Variants in ETV6 observed in about 807,000 individuals in gnomAD.
ETV6 encodes the protein ETS variant transcription factor 6.
A neutral mutation model predicts 51.1 loss-of-function variants in ETV6; 16 were observed. The ratio of observed to expected loss-of-function variants is 0.31; its 90% confidence interval spans 0.21 to 0.48. The LOEUF (loss-of-function observed/expected upper bound fraction) is 0.48, where lower values mean the gene tolerates loss of function less well. ETV6 is among the 20% of genes least tolerant of loss of function. ETV6 has a pLI of 0.99. For missense variants in ETV6, 458 were observed against 594.8 expected, an observed-to-expected ratio of 0.77 and a Z score of 2.39; for synonymous variants, 240 against 224.1, an observed-to-expected ratio of 1.07 and a Z score of -0.64.
At chr12:11,698,253 G>T (rs1383054919) in intron 1 of ETV6, among the ~76,000 whole-genome samples, 1 of 152,144 alleles carries the variant, frequency 6.6e-6, no homozygotes, top group African/African-American at 2.4e-5. Context: ...CCTAACATCT[G>T]CATTAGTATT....
At chr12:11,694,707 T>C (rs1321925171) in intron 1 of ETV6, among the ~76,000 whole-genome samples, 1 of 152,252 alleles carries the variant, frequency 6.6e-6, no homozygotes, top group Non-Finnish European at 1.5e-5. Context: ...GATATTCAAC[T>C]CTGCAAAGTC....
At chr12:11,681,334 C>T (rs926315389) in intron 1 of ETV6, among the ~76,000 whole-genome samples, 6 of 152,150 alleles carry the variant, frequency 3.9e-5, no homozygotes, top group Non-Finnish European at 8.8e-5. Flanking sequence ...AAACAAATTT[C>T]ATGCCCCTTT....
chr12:11,741,523 G>A (rs530949229), intron 1 of ETV6, among the ~76,000 whole-genome samples: 5 of 152,308 alleles, frequency 3.3e-5, no homozygotes, highest in East Asian at 1.9e-4. Context: ...ACACTGCTCC[G>A]TGTGGAGCTC....
intron 2 of ETV6, among the ~76,000 whole-genome samples, chr12:11,770,961 A>G (rs1001405433): frequency 9.9e-5 from 15 of 152,284 alleles, no homozygotes; most frequent in Non-Finnish European, 1.0e-4. Flanking sequence ...GGTTGATCCA[A>G]TGGCCTTGCC....
intron 2 of ETV6, among the ~76,000 whole-genome samples, chr12:11,784,404 A>G (rs1945452212): frequency 6.6e-6 from 1 of 150,902 alleles, no homozygotes; most frequent in African/African-American, 2.4e-5. Context: ...GGTTGCAGTG[A>G]GCCGAGATCA....
rs983047889 is a variant in ETV6 at position 11,869,035 on chromosome 12, G to C, written c.464-389G>C. 6.6e-6 allele frequency among the ~76,000 whole-genome samples: 1 copy of C among 152,136 alleles called. No homozygotes were observed. Among genetic ancestry groups the C allele is most frequent in the East Asian group, 1.9e-4 (1 of 5,184 alleles). On this transcript the variant is annotated intron_variant, in intron 4 of 7. Coordinates refer to ENST00000396373, the MANE Select transcript of ETV6 (RefSeq NM_001987.5). This position sits in a 1 kb window ranked among gnomAD's most constrained non-coding sequence, Gnocchi z 5.0. ...GCAGAGCACGAGGTCAGGAGACCCA[G>C]ACCATCCTGGCTAACACGGTGAAAC...
rs563899915 is a variant in ETV6 at position 11,779,298 on chromosome 12, A to G, written c.163+26719A>G. ...GATCACTGCAGCAAATATATTTGGC[A>G]GAAATTGAGCACACAAGCCCTTCCC... is the stretch of plus-strand genomic sequence containing the variant. On this transcript the variant is annotated intron_variant, in intron 2 of 7. Transcript: ENST00000396373. 3.9e-5 allele frequency among the ~76,000 whole-genome samples: 6 copies of G among 152,352 alleles called. No homozygotes were observed. In the South Asian group the frequency reaches 1.2e-3, roughly 32 times the overall value.
intron 1 of ETV6, among the ~76,000 whole-genome samples, chr12:11,712,644 TC>T (rs1865194666): frequency 6.6e-6 from 1 of 152,212 alleles, no homozygotes; most frequent in Admixed American, 6.5e-5. Flanking sequence ...AACTTCCTCT[TC>T]CTTGGGAGAC....
At chr12:11,754,916 A>G (rs1257799342) in intron 2 of ETV6, among the ~76,000 whole-genome samples, 1 of 152,230 alleles carries the variant, frequency 6.6e-6, no homozygotes, top group Non-Finnish European at 1.5e-5. Context: ...TCTTCTTTCT[A>G]TCTCCATGTC....
intron 2 of ETV6, among the ~76,000 whole-genome samples, chr12:11,831,635 T>A (rs889704831): frequency 6.6e-6 from 1 of 152,252 alleles, no homozygotes; most frequent in Non-Finnish European, 1.5e-5. Context: ...TTACTGAGTG[T>A]CAATTCTTTG....
intron 1 of ETV6, among the ~76,000 whole-genome samples, chr12:11,677,660 A>G (rs1864446405): frequency 6.6e-6 from 1 of 152,238 alleles, no homozygotes; most frequent in Non-Finnish European, 1.5e-5. Flanking sequence ...GGTGAAGAAG[A>G]TGAGGCCTCT....
chr12:11,835,979 T>C (rs1374287871), intron 2 of ETV6, among the ~76,000 whole-genome samples: 2 of 152,230 alleles, frequency 1.3e-5, no homozygotes, highest in Non-Finnish European at 2.9e-5. Context: ...TAGGGTTGTG[T>C]GAGCATGCAG....
In ETV6 at chr12:11,894,607, A is replaced by G. The variant is rs1389810100; in HGVS notation, c.*3561A>G. The G allele has an allele frequency of 1.3e-5, 3 of 233,162 alleles. No homozygotes were observed. The highest frequency in any genetic ancestry group is 2.5e-5 in the Non-Finnish European group (3 of 118,044). The allele number at this position is 233,162 out of a possible 1,614,324, so 14.4% of individuals were successfully genotyped here. On this transcript the variant is annotated 3_prime_UTR_variant, in exon 8 of 8. Coordinates refer to ENST00000396373, the MANE Select transcript of ETV6 (RefSeq NM_001987.5). ...ATACTGATCTCTTGTCCAAATGAGA[A>G]TGTCGCTTTAGCTGAAATTCAAATG...
chr12:11,874,346 C>T (rs1946929860), intron 5 of ETV6, among the ~76,000 whole-genome samples: 1 of 144,766 alleles, frequency 6.9e-6, no homozygotes, highest in Admixed American at 7.0e-5. Flanking sequence ...CACTGCACTC[C>T]AGCCTGGGCA....
intron 1 of ETV6, among the ~76,000 whole-genome samples, chr12:11,728,009 G>A (rs917758110): frequency 1.3e-5 from 2 of 151,942 alleles, no homozygotes; most frequent in African/African-American, 2.4e-5. Context: ...TAGTAGAGAC[G>A]GGGTTTCACC....
At chr12:11,830,083 G>A (rs1946219895) in intron 2 of ETV6, among the ~76,000 whole-genome samples, 1 of 152,164 alleles carries the variant, frequency 6.6e-6, no homozygotes, top group Non-Finnish European at 1.5e-5. Flanking sequence ...CTGGGAAGCA[G>A]CTTGAAGGGC....
chr12:11,890,444 A>G (rs1947269780), intron 7 of ETV6, among the ~76,000 whole-genome samples: 1 of 150,166 alleles, frequency 6.7e-6, no homozygotes, highest in Non-Finnish European at 1.5e-5. Flanking sequence ...TTTTTTTTCC[A>G]ATAATTAGGA....
At chr12:11,855,357 A>G (rs937070212) in intron 4 of ETV6, among the ~76,000 whole-genome samples, 1 of 152,142 alleles carries the variant, frequency 6.6e-6, no homozygotes, top group African/African-American at 2.4e-5. Flanking sequence ...CCATTGCATT[A>G]AACAGTTGAA....
At chr12:11,810,834 C>G (rs1000208360) in intron 2 of ETV6, among the ~76,000 whole-genome samples, 15 of 152,312 alleles carry the variant, frequency 9.8e-5, no homozygotes, top group African/African-American at 3.6e-4. Flanking sequence ...GTCACCTATT[C>G]CAGCCTCACA....
Sources: allele counts gnomAD v4.1 joint callset (sites outside exome capture counted in the v4.1 genomes callset), GRCh38; gene constraint gnomAD v4.1.1; non-coding constraint Gnocchi (gnomAD v3.1); transcripts MANE v1.5; gene names NCBI Gene and HGNC (gene_info 2026-07-23, HGNC 2026-07-21).